LDLRAD3: variants seen among roughly 807,000 people sequenced by gnomAD.
The protein encoded by LDLRAD3 is low-density lipoprotein receptor class A domain-containing protein 3.
In LDLRAD3, 20 loss-of-function variants were observed where a neutral mutation model predicts 29.4. The ratio of observed to expected loss-of-function variants is 0.68; its 90% confidence interval spans 0.48 to 0.99. The LOEUF is 0.99. Ranked by LOEUF, LDLRAD3 falls within the 50% of genes least tolerant of loss-of-function variation. The pLI, the probability that LDLRAD3 is intolerant of heterozygous loss-of-function variation, is 0.00. For synonymous variants in LDLRAD3, 157 were observed against 192.7 expected (o/e 0.81, Z 1.53); for missense variants, 420 against 454.3 (o/e 0.92, Z 0.69).
chr11:36,085,969 A>G (rs1590255380), intron 3 of LDLRAD3, among the ~76,000 whole-genome samples: 1 of 151,972 alleles, frequency 6.6e-6, no homozygotes, highest in Non-Finnish European at 1.5e-5. Flanking sequence ...ATATTGGACA[A>G]TTTCTGTTAA....
chr11:36,147,603 C>G (rs547305148), intron 4 of LDLRAD3, among the ~76,000 whole-genome samples: 1 of 152,148 alleles, frequency 6.6e-6, no homozygotes, highest in Non-Finnish European at 1.5e-5. Context: ...CAGTTCAACC[C>G]CCTACACATA....
Position 36,227,011 on chromosome 11 carries a change from G to T in LDLRAD3, c.455-74G>T, listed in dbSNP as rs968017153. 5.9e-6 allele frequency: 7 copies of T among 1,187,256 alleles called. No individual in the cohort carries two copies. The East Asian group carries it at 1.4e-4, about 24-fold the overall frequency. The allele number at this position is 1,187,256 out of a possible 1,614,324, so 73.5% of individuals were successfully genotyped here. A position where few individuals can be genotyped will look rare whatever the true frequency, so the allele number is the denominator to read the frequency against. On this transcript the variant is annotated intron_variant, in intron 4 of 5. Transcript: ENST00000315571. ...GTGAACATTCGCATGCAAGTTCTGG[G>T]GCTGATGTTGAAACACAAAGATTAG...
chr11:36,030,180 G>A (rs775541213), intron 1 of LDLRAD3, among the ~76,000 whole-genome samples: 44 of 152,164 alleles, frequency 2.9e-4, no homozygotes, highest in Middle Eastern at 3.2e-3. Context: ...GCCCATCTTC[G>A]CCCCAAACTC....
chr11:36,141,036 C>CTCTCTCTCTCTCTCTCTCTCTCT (rs1491124137), intron 4 of LDLRAD3, among the ~76,000 whole-genome samples: 1 of 138,702 alleles, frequency 7.2e-6, no homozygotes, highest in Non-Finnish European at 1.5e-5. Flanking sequence ...CTCTCTCTCT[C>CTCTCTCTCTCTCTCTCTCTCTCT]CGTGTGGGGG....
chr11:36,220,627 A>ACATACTGTAGGATACTG (rs1855414475), intron 4 of LDLRAD3, among the ~76,000 whole-genome samples: 1 of 152,260 alleles, frequency 6.6e-6, no homozygotes, highest in South Asian at 2.1e-4. Flanking sequence ...ATTTGTTTTT[A>ACATACTGTAGGATACTG]CATACTGTAG....
Position 36,106,797 on chromosome 11 carries a change from G to C in LDLRAD3, c.454+8336G>C, listed in dbSNP as rs566511060. 3.3e-5 allele frequency among the ~76,000 whole-genome samples: 5 copies of C among 152,326 alleles called. No individual in the cohort carries two copies. In the East Asian group the frequency reaches 7.7e-4, roughly 24 times the overall value. ...GTGATAGACTGGATTTTTACTTTCAGTTCTTCACTCCCTCCCTCTGCTGTG... is the reference window on the plus strand; with the variant it reads ...GTGATAGACTGGATTTTTACTTTCACTTCTTCACTCCCTCCCTCTGCTGTG... On this transcript the variant is annotated intron_variant, in intron 4 of 5. Transcript: ENST00000315571.
In LDLRAD3 at chr11:36,047,056, A is replaced by AT. The variant is rs1187730365; in HGVS notation, c.193+10807_193+10808insT. 1.2e-4 allele frequency among the ~76,000 whole-genome samples: 15 copies of AT among 125,420 alleles called. No individual in the cohort carries two copies. The East Asian group carries it at 2.5e-3, about 21-fold the overall frequency. 82.3% of individuals were successfully genotyped at this position (125,420 alleles called of 152,430 possible). A position where few individuals can be genotyped will look rare whatever the true frequency, so the allele number is the denominator to read the frequency against. On this transcript the variant is annotated intron_variant, in intron 2 of 5. Coordinates refer to ENST00000315571, the MANE Select transcript of LDLRAD3 (RefSeq NM_174902.4). ...GTGCTTTTAGTAGCCCTGGGGCTGG[A>AT]GGGGGCTGCTGTGGACTAAGCACAC...
At chr11:35,968,043 A>G in intron 1 of LDLRAD3, 1 of 463,886 alleles carries the variant, frequency 2.2e-6, no homozygotes, top group East Asian at 6.4e-5. Flanking sequence ...AAATTCACCA[A>G]CCCCAATTTT....
chr11:36,013,544 G>A (rs1224272616), intron 1 of LDLRAD3, among the ~76,000 whole-genome samples: 2 of 149,526 alleles, frequency 1.3e-5, no homozygotes, highest in Non-Finnish European at 3.0e-5. Flanking sequence ...ACTTATGAGT[G>A]AGAACATGTG....
chr11:36,117,989 A>G (rs569011763), intron 4 of LDLRAD3, among the ~76,000 whole-genome samples: 1 of 152,314 alleles, frequency 6.6e-6, no homozygotes, highest in South Asian at 2.1e-4. Context: ...ATCTAGTTAT[A>G]GTGATCCTTA....
intron 1 of LDLRAD3, among the ~76,000 whole-genome samples, chr11:36,031,127 G>T (rs986198653): frequency 6.6e-6 from 1 of 151,814 alleles, no homozygotes; most frequent in Non-Finnish European, 1.5e-5. Context: ...TTTTAAGTAA[G>T]TGATGTGCTG....
chr11:36,210,561 G>A (rs768082171), intron 4 of LDLRAD3, among the ~76,000 whole-genome samples: 1 of 151,946 alleles, frequency 6.6e-6, no homozygotes, highest in Non-Finnish European at 1.5e-5. Context: ...TGGAACAACC[G>A]GGTTCAGTGA....
intron 1 of LDLRAD3, among the ~76,000 whole-genome samples, chr11:36,006,310 T>C (rs1218230722): frequency 6.6e-6 from 1 of 152,198 alleles, no homozygotes; most frequent in Non-Finnish European, 1.5e-5. Flanking sequence ...AATGTTGGCT[T>C]TTCTACTCAT....
chr11:36,221,702 G>A (rs12574419), intron 4 of LDLRAD3, among the ~76,000 whole-genome samples: 12,577 of 152,222 alleles, frequency 0.083, 547 homozygotes, highest in East Asian at 0.2. Context: ...AGAAGACAGA[G>A]TGCTTATTTT....
chr11:36,078,345 A>AC (rs1447731922), intron 2 of LDLRAD3, among the ~76,000 whole-genome samples: 3 of 152,102 alleles, frequency 2.0e-5, no homozygotes, highest in Non-Finnish European at 2.9e-5. Flanking sequence ...ACCAACGGGC[A>AC]CCTGCAGGGC....
intron 2 of LDLRAD3, among the ~76,000 whole-genome samples, chr11:36,058,678 A>G (rs1489852617): frequency 6.6e-6 from 1 of 152,040 alleles, no homozygotes; most frequent in Non-Finnish European, 1.5e-5. Context: ...AGCCCAGTCA[A>G]CTCTACTTCT....
intron 4 of LDLRAD3, among the ~76,000 whole-genome samples, chr11:36,116,118 C>T (rs1853670243): frequency 6.6e-6 from 1 of 152,170 alleles, no homozygotes; most frequent in African/African-American, 2.4e-5. Flanking sequence ...CTGTCCAGCA[C>T]TTAGCAGGTA....
At chr11:36,076,968 T>C (rs992526275) in intron 2 of LDLRAD3, among the ~76,000 whole-genome samples, 2 of 152,174 alleles carry the variant, frequency 1.3e-5, no homozygotes, top group South Asian at 2.1e-4. Flanking sequence ...AATACAGTTA[T>C]GTTTACTTGT....
intron 1 of LDLRAD3, chr11:35,988,895 T>G (rs1012444616): frequency 6.6e-6 from 1 of 152,168 alleles, no homozygotes; most frequent in African/African-American, 2.4e-5. Context: ...GTCCCACTTG[T>G]CAATTTTTGT....
Sources: gnomAD v4.1 joint callset for allele counts (sites outside exome capture counted in the v4.1 genomes callset) on GRCh38, gnomAD v4.1.1 for gene constraint, MANE v1.5 for transcripts, NCBI Gene and HGNC (gene_info 2026-07-23, HGNC 2026-07-21) for gene names.